CDH12: variants seen among roughly 807,000 people sequenced by gnomAD.
CDH12 encodes the protein cadherin-12.
A neutral mutation model predicts 74.1 loss-of-function variants in CDH12; 41 were observed. That is an observed-to-expected ratio of 0.55 (90% CI 0.43 to 0.72). CDH12 has a LOEUF of 0.72. Among genes scored for constraint, CDH12 ranks in the 30% least tolerant of loss-of-function variants. CDH12 has a pLI of 0.00. For synonymous variants in CDH12, 399 were observed against 355.0 expected (o/e 1.12, Z -1.39); for missense variants, 945 against 977.2 (o/e 0.97, Z 0.44).
chr5:21,970,786 G>A (rs558618077), intron 6 of CDH12, among the ~76,000 whole-genome samples: 62 of 125,728 alleles, frequency 4.9e-4, no homozygotes, highest in Non-Finnish European at 7.1e-4. Flanking sequence ...GTTGCAGTGC[G>A]CCAAGACCAT....
chr5:21,923,429 C>G (rs537304447), intron 6 of CDH12, among the ~76,000 whole-genome samples: 1 of 152,156 alleles, frequency 6.6e-6, no homozygotes, highest in East Asian at 1.9e-4. Flanking sequence ...GAGATCTTTC[C>G]CATATTTACA....
chr5:22,421,670 CA>C (rs1203466430), intron 2 of CDH12, among the ~76,000 whole-genome samples: 1 of 152,082 alleles, frequency 6.6e-6, no homozygotes, highest in African/African-American at 2.4e-5. Context: ...GTCTTTATAG[CA>C]AAATGTTTTA....
intron 4 of CDH12, among the ~76,000 whole-genome samples, chr5:22,192,196 A>T (rs577140446): frequency 5.9e-5 from 9 of 152,286 alleles, no homozygotes; most frequent in Admixed American, 5.9e-4. Context: ...GGCTTCCCAA[A>T]GTGCTAGGAT....
intron 4 of CDH12, among the ~76,000 whole-genome samples, chr5:22,140,028 G>A (rs2150296620): frequency 6.6e-6 from 1 of 152,134 alleles, no homozygotes; most frequent in African/African-American, 2.4e-5. Flanking sequence ...TTTCAGAAAC[G>A]TGTTGCCAAA....
chr5:22,263,896 C>G (rs1406808278), intron 3 of CDH12, among the ~76,000 whole-genome samples: 2 of 151,946 alleles, frequency 1.3e-5, no homozygotes, highest in African/African-American at 4.8e-5. Context: ...GGTTCAAACT[C>G]AGGCAACATA....
intron 2 of CDH12, among the ~76,000 whole-genome samples, chr5:22,443,153 A>G (rs2126545195): frequency 6.6e-6 from 1 of 152,284 alleles, no homozygotes; most frequent in South Asian, 2.1e-4. Context: ...CACCTTCTCA[A>G]TCAAAGTAAG....
intron 4 of CDH12, among the ~76,000 whole-genome samples, chr5:22,112,890 G>A (rs1199254286): frequency 6.6e-6 from 1 of 152,146 alleles, no homozygotes; most frequent in Admixed American, 6.6e-5. Context: ...CAGTTTAACA[G>A]AACGTTCATC....
chr5:21,969,505 T>C (rs923040601), intron 6 of CDH12, among the ~76,000 whole-genome samples: 16 of 152,148 alleles, frequency 1.1e-4, no homozygotes, highest in Non-Finnish European at 1.8e-4. Context: ...TTTGGGTAGT[T>C]CATTCTGAGG....
chr5:21,802,205 G>C lies in CDH12; in HGVS notation c.1218C>G (p.Val406=), dbSNP rs368149780. The C allele has an allele frequency of 6.1e-5, 98 of 1,613,738 alleles. No homozygotes were observed. Among genetic ancestry groups the C allele is most frequent in the Middle Eastern group, 1.6e-4 (1 of 6,072 alleles). ...TGCCTACATCCAGGTCTTGAGCAGT[G>C]ACAGCGCCAATGATGGTCCCTACCG... ...DTPVGTIIGA[V]TAQDLDVGSS... Residue 406 remains valine, a synonymous_variant, in exon 10 of 15, where the codon GTC becomes GTG. Transcript: ENST00000382254.
chr5:22,012,799 T>C (rs1737378222), intron 5 of CDH12, among the ~76,000 whole-genome samples: 1 of 142,866 alleles, frequency 7.0e-6, no homozygotes, highest in Non-Finnish European at 1.5e-5. Flanking sequence ...TAGATGAAAA[T>C]AACAATATCT....
chr5:22,162,923 G>T (rs1360769427), intron 4 of CDH12, among the ~76,000 whole-genome samples: 1 of 119,846 alleles, frequency 8.3e-6, no homozygotes, highest in Non-Finnish European at 1.6e-5. Flanking sequence ...TTGAGACAGA[G>T]TCTCGCTCTT....
intron 8 of CDH12, among the ~76,000 whole-genome samples, chr5:21,821,029 T>C (rs1748340943): frequency 6.6e-6 from 1 of 151,954 alleles, no homozygotes; most frequent in Non-Finnish European, 1.5e-5. Context: ...AGGAGGAAAT[T>C]GCATGCAGTG....
intron 1 of CDH12, among the ~76,000 whole-genome samples, chr5:22,634,179 A>C (rs1362274227): frequency 6.6e-6 from 1 of 152,170 alleles, no homozygotes; most frequent in Non-Finnish European, 1.5e-5. Flanking sequence ...GAGAAATATA[A>C]AAATAAACAC....
Position 22,771,458 on chromosome 5 carries a change from T to C in CDH12, c.-523+81600A>G, listed in dbSNP as rs111899328. On this transcript the variant is annotated intron_variant, in intron 1 of 14. Coordinates refer to ENST00000382254, the MANE Select transcript of CDH12 (RefSeq NM_004061.5). ...TAAAGAAACAGTTGAAATAATCTAG[T>C]CCACACTTTGATTTTACAGATGAGA... Among the ~76,000 whole-genome samples, 904 of 152,140 alleles carry C rather than the reference T, an allele frequency of 5.9e-3. 8 individuals carry two copies. Among genetic ancestry groups the C allele is most frequent in the Non-Finnish European group, 7.9e-3 (536 of 67,946 alleles).
At chr5:22,664,710 G>C (rs1206078589) in intron 1 of CDH12, among the ~76,000 whole-genome samples, 1 of 152,054 alleles carries the variant, frequency 6.6e-6, no homozygotes, top group African/African-American at 2.4e-5. Context: ...ACTACGTAAG[G>C]TTGTTATACC....
chr5:22,655,905 GTGA>G (rs1452944385), intron 1 of CDH12, among the ~76,000 whole-genome samples: 1 of 152,166 alleles, frequency 6.6e-6, no homozygotes, highest in Non-Finnish European at 1.5e-5. Context: ...GAACATTATA[GTGA>G]TGATGAATAT....
intron 3 of CDH12, among the ~76,000 whole-genome samples, chr5:22,224,924 T>C (rs966720565): frequency 1.3e-5 from 2 of 151,944 alleles, no homozygotes; most frequent in African/African-American, 4.8e-5. Flanking sequence ...TCTCTAAACT[T>C]TATATACATT....
chr5:22,051,465 A>G (rs564704322), intron 5 of CDH12, among the ~76,000 whole-genome samples: 1 of 152,280 alleles, frequency 6.6e-6, no homozygotes, highest in South Asian at 2.1e-4. Context: ...AAATGATTCC[A>G]TGTAACATTT....
At chr5:21,972,685 C>A (rs140398918) in intron 6 of CDH12, among the ~76,000 whole-genome samples, 1 of 152,074 alleles carries the variant, frequency 6.6e-6, no homozygotes, top group African/African-American at 2.4e-5. Context: ...ATAATTGGGT[C>A]TCCTTGTTTT....
Sources: gnomAD v4.1 joint callset for allele counts (sites outside exome capture counted in the v4.1 genomes callset) on GRCh38, gnomAD v4.1.1 for gene constraint, MANE v1.5 for transcripts, NCBI Gene and HGNC (gene_info 2026-07-23, HGNC 2026-07-21) for gene names.